Variants in PTPN4 observed in about 807,000 individuals in gnomAD.
PTPN4 encodes protein tyrosine phosphatase non-receptor type 4.
Under a neutral mutation model 135.5 loss-of-function variants are expected in PTPN4, and 49 were observed. The ratio of observed to expected loss-of-function variants is 0.36; its 90% CI spans 0.29 to 0.46. The LOEUF (loss-of-function observed/expected upper bound fraction) is 0.46, where lower values mean the gene tolerates loss of function less well. Ranked by LOEUF, PTPN4 falls within the 20% of genes least tolerant of loss-of-function variation. The pLI is 1.00. For missense variants in PTPN4, 860 were observed against 1,101.0 expected (o/e 0.78, Z 3.10); for synonymous variants, 333 against 369.9 (o/e 0.90, Z 1.14).
rs761482979 is a variant in PTPN4, at chr2:119,983,991, T to C, written c.*6921T>C. ...AGGGAATAAAAGTCCCGACACTTTA[T>C]ATACATGTTGAGGGGCACGATTTAA... is the stretch of plus-strand genomic sequence containing the variant. On this transcript the variant is annotated 3_prime_UTR_variant, in exon 27 of 27. Coordinates refer to ENST00000263708, the MANE Select transcript of PTPN4 (RefSeq NM_002830.4). Among the ~76,000 whole-genome samples the C allele has an allele frequency of 7.2e-5, 11 of 152,236 alleles. No homozygotes were observed. Among genetic ancestry groups the C allele is most frequent in the Non-Finnish European group, 1.5e-4 (10 of 68,038 alleles).
intron 9 of PTPN4, among the ~76,000 whole-genome samples, chr2:119,892,058 A>T (rs904730013): frequency 2.0e-5 from 3 of 152,246 alleles, no homozygotes; most frequent in African/African-American, 7.2e-5. Context: ...AGTAAAGTAG[A>T]TAAAACTGAA....
intron 15 of PTPN4, 77 bp from the exon 16 acceptor site, chr2:119,945,004 T>C: frequency 3.0e-6 from 4 of 1,341,600 alleles, no homozygotes; most frequent in Non-Finnish European, 4.0e-6. Context: ...CTACCAGACA[T>C]TGTAAATATG....
At chr2:119,773,606 C>T (rs909490223) in intron 1 of PTPN4, among the ~76,000 whole-genome samples, 1 of 151,764 alleles carries the variant, frequency 6.6e-6, no homozygotes, top group Non-Finnish European at 1.5e-5. Context: ...CGTGGTGGCG[C>T]ACGCCTGTAA....
chr2:119,824,695 T>C (rs1677121973), intron 2 of PTPN4, among the ~76,000 whole-genome samples: 1 of 152,176 alleles, frequency 6.6e-6, no homozygotes, highest in African/African-American at 2.4e-5. Context: ...AATATAAACA[T>C]TTTTTTCTTT....
At chr2:119,860,743 T>TA (rs1312780096) in intron 2 of PTPN4, among the ~76,000 whole-genome samples, 1 of 152,126 alleles carries the variant, frequency 6.6e-6, no homozygotes, top group Non-Finnish European at 1.5e-5. Flanking sequence ...TAATTTATTT[T>TA]AAAAAGAGGT....
chr2:119,787,992 A>C (rs1334559798), intron 1 of PTPN4, among the ~76,000 whole-genome samples: 1 of 152,210 alleles, frequency 6.6e-6, no homozygotes, highest in Admixed American at 6.5e-5. Flanking sequence ...TTATTAAATT[A>C]AGTGTTGAAA....
chr2:119,961,378 TA>T (rs1226157614), intron 23 of PTPN4, among the ~76,000 whole-genome samples: 1 of 152,230 alleles, frequency 6.6e-6, no homozygotes, highest in Non-Finnish European at 1.5e-5. Flanking sequence ...TGAGACTTTA[TA>T]TCCTAGAGGA....
intron 19 of PTPN4, 145 bp downstream of exon 19, chr2:119,952,274 G>A (rs1679221646): frequency 2.9e-6 from 2 of 697,446 alleles, no homozygotes; most frequent in South Asian, 4.1e-5. Flanking sequence ...ACGTGGAGCA[G>A]AATTCAAGTT....
intron 2 of PTPN4, among the ~76,000 whole-genome samples, chr2:119,850,500 A>G (rs1374878195): frequency 1.3e-5 from 2 of 152,228 alleles, no homozygotes; most frequent in African/African-American, 2.4e-5. Flanking sequence ...GCTGGGAAGC[A>G]TGAGAAGTGC....
chr2:119,776,109 A>G (rs1690832337), intron 1 of PTPN4, among the ~76,000 whole-genome samples: 1 of 152,202 alleles, frequency 6.6e-6, no homozygotes, highest in Non-Finnish European at 1.5e-5. Flanking sequence ...GGACCCTTCT[A>G]AAATACGGGC....
chr2:119,802,307 G>A (rs924478570), intron 1 of PTPN4, among the ~76,000 whole-genome samples: 18 of 152,284 alleles, frequency 1.2e-4, no homozygotes, highest in African/African-American at 4.1e-4. Context: ...ATAGGGGAAA[G>A]CATTCAGGCT....
In PTPN4 at chr2:119,982,740, T is replaced by C. The variant is rs1428122578; in HGVS notation, c.*5670T>C. ...GACATTGTTGTGAGGGTGTGACTTT[T>C]GTGAAGCCAGAAAACTGTGCCTAAG... On this transcript the variant is annotated 3_prime_UTR_variant, in exon 27 of 27. Transcript: ENST00000263708. 1 of 152,192 alleles carries C rather than the reference T, an allele frequency of 6.6e-6. No individual in the cohort carries two copies. Among genetic ancestry groups the C allele is most frequent in the Admixed American group, 6.5e-5 (1 of 15,272 alleles). The allele number at this position is 152,192 out of a possible 1,614,324, so 9.4% of individuals were successfully genotyped here. A position where few individuals can be genotyped will look rare whatever the true frequency, so the allele number is the denominator to read the frequency against.
chr2:119,808,205 T>C (rs1422971727), intron 1 of PTPN4, among the ~76,000 whole-genome samples: 3 of 152,122 alleles, frequency 2.0e-5, no homozygotes, highest in Non-Finnish European at 2.9e-5. Context: ...CTATTCAACA[T>C]AGTGTTGGAA....
intron 12 of PTPN4, among the ~76,000 whole-genome samples, chr2:119,922,742 ATAT>A (rs1379624283): frequency 2.0e-5 from 3 of 152,206 alleles, no homozygotes; most frequent in Admixed American, 6.5e-5. Context: ...CATAGTAATA[ATAT>A]TATCTCATTT....
In PTPN4 at chr2:119,928,732, A is replaced by G. The variant is rs367969941; in HGVS notation, c.1070+2066A>G. Among the ~76,000 whole-genome samples, 8 of 152,266 alleles carry G rather than the reference A, an allele frequency of 5.3e-5. No homozygotes were observed. In the East Asian group the frequency reaches 5.8e-4, roughly 11 times the overall value. On this transcript the variant is annotated intron_variant, in intron 13 of 26. Coordinates refer to ENST00000263708, the MANE Select transcript of PTPN4 (RefSeq NM_002830.4). ...TTCTTAGTGTTGTAACAGCGTAGCA[A>G]TATACTTAAAACTTTCCTTTCTTAA...
In PTPN4 at chr2:119,819,650, A is replaced by G. The variant is rs151112629; in HGVS notation, c.138+9659A>G. On this transcript the variant is annotated intron_variant, in intron 2 of 26. Transcript: ENST00000263708. ...GATATTTTAGAAGATTTCATCTGCA[A>G]CATTTGAGATGCACCTTCACACAAG... is the stretch of plus-strand genomic sequence containing the variant. Among the ~76,000 whole-genome samples, 1,134 of 152,338 alleles carry G rather than the reference A, an allele frequency of 7.4e-3. 13 individuals are homozygous for G. Among genetic ancestry groups the G allele is most frequent in the African/African-American group, 0.026 (1,069 of 41,576 alleles).
chr2:119,877,178 C>A, intron 3 of PTPN4, 145 bp from the exon 4 acceptor site: 1 of 679,020 alleles, frequency 1.5e-6, no homozygotes, highest in Non-Finnish European at 2.4e-6. Flanking sequence ...AAAATATTGT[C>A]TGTAATGCAA....
rs866023287 is a variant in PTPN4, at chr2:119,878,679, G to A, written c.368+1137G>A. 2.1e-5 allele frequency among the ~76,000 whole-genome samples: 3 copies of A among 146,024 alleles called. No individual in the cohort carries two copies. In the South Asian group the frequency reaches 6.5e-4, roughly 31 times the overall value. On this transcript the variant is annotated intron_variant, in intron 5 of 26. Coordinates refer to ENST00000263708, the MANE Select transcript of PTPN4 (RefSeq NM_002830.4). ...AGTCAGTGTGTTTTGGGGTGGGTGC[G>A]CAGGTGTTCCTTTTTTTTTTTTTTT... is the stretch of plus-strand genomic sequence containing the variant.
At chr2:119,760,563 T>C (rs1690465955) in intron 1 of PTPN4, among the ~76,000 whole-genome samples, 179 bp downstream of exon 1, 1 of 150,102 alleles carries the variant, frequency 6.7e-6, no homozygotes, top group Non-Finnish European at 1.5e-5. Flanking sequence ...AAAAACGCTT[T>C]CTTTCCTTTC....
Sources: allele counts gnomAD v4.1 joint callset (sites outside exome capture counted in the v4.1 genomes callset), GRCh38; gene constraint gnomAD v4.1.1; transcripts MANE v1.5; gene names NCBI Gene and HGNC (gene_info 2026-07-23, HGNC 2026-07-21).